The following CLSTN2 variants were observed in gnomAD, a reference collection of about 807,000 sequenced individuals.
CLSTN2 encodes the protein calsyntenin 2.
Under a neutral mutation model 101.2 loss-of-function variants are expected in CLSTN2, and 48 were observed. The ratio of observed to expected loss-of-function variants is 0.47; its 90% confidence interval spans 0.38 to 0.60. The LOEUF (loss-of-function observed/expected upper bound fraction) is 0.60, where lower values mean the gene tolerates loss of function less well. CLSTN2 is among the 20% of genes least tolerant of loss of function. The pLI is 0.00. For missense variants in CLSTN2, 1,160 were observed against 1,238.2 expected, an observed-to-expected ratio of 0.94 and a Z score of 0.95; for synonymous variants, 481 against 463.6, an observed-to-expected ratio of 1.04 and a Z score of -0.48.
At chr3:140,048,063 T>C (rs1560078883) in intron 1 of CLSTN2, among the ~76,000 whole-genome samples, 1 of 152,146 alleles carries the variant, frequency 6.6e-6, no homozygotes. Context: ...ATTGTTCCCA[T>C]ATGACTGAGG....
At chr3:140,390,547 A>G (rs974240463) in intron 2 of CLSTN2, among the ~76,000 whole-genome samples, 3 of 152,216 alleles carry the variant, frequency 2.0e-5, no homozygotes, top group Non-Finnish European at 4.4e-5. Context: ...ATAACATGTG[A>G]GATAGAAATA....
At chr3:140,053,803 A>C (rs2008046950) in intron 1 of CLSTN2, among the ~76,000 whole-genome samples, 1 of 152,182 alleles carries the variant, frequency 6.6e-6, no homozygotes, top group Non-Finnish European at 1.5e-5. Flanking sequence ...AATAACACCT[A>C]TCTCAGGGGG....
chr3:140,280,424 G>A (rs187105154), intron 2 of CLSTN2, among the ~76,000 whole-genome samples: 1 of 152,276 alleles, frequency 6.6e-6, no homozygotes, highest in Non-Finnish European at 1.5e-5. Context: ...GTAGAAGAGA[G>A]TAGGAGATAT....
At chr3:140,349,871 T>C (rs781502987) in intron 2 of CLSTN2, among the ~76,000 whole-genome samples, 1 of 152,190 alleles carries the variant, frequency 6.6e-6, no homozygotes, top group African/African-American at 2.4e-5. Context: ...TCTGTCCTGA[T>C]GGCAGGCTTC....
chr3:140,379,254 T>C (rs2087953356), intron 2 of CLSTN2, among the ~76,000 whole-genome samples: 1 of 152,212 alleles, frequency 6.6e-6, no homozygotes, highest in Non-Finnish European at 1.5e-5. Flanking sequence ...GCTGACAGTG[T>C]TGGGTGCCAG....
chr3:140,574,725 G>A lies in CLSTN2; in HGVS notation c.*8472G>A, dbSNP rs1985677250. ...TACTGCACATTTCAGAACAGAAATG[G>A]GACACCCACACACGTATTGAGGGTC... On this transcript the variant is annotated 3_prime_UTR_variant, in exon 17 of 17. Coordinates refer to ENST00000458420, the MANE Select transcript of CLSTN2 (RefSeq NM_022131.3). 6.6e-6 allele frequency: 1 copy of A among 152,156 alleles called. No homozygotes were observed. Among genetic ancestry groups the A allele is most frequent in the Non-Finnish European group, 1.5e-5 (1 of 68,032 alleles). 9.4% of individuals were successfully genotyped at this position (152,156 alleles called of 1,614,324 possible). A position where few individuals can be genotyped will look rare whatever the true frequency, so the allele number is the denominator to read the frequency against.
At chr3:140,097,963 G>A (rs1057329180) in intron 1 of CLSTN2, among the ~76,000 whole-genome samples, 7 of 152,084 alleles carry the variant, frequency 4.6e-5, no homozygotes, top group African/African-American at 1.7e-4. Flanking sequence ...AATGAATTTT[G>A]TAAATGCCTA....
At chr3:140,376,062 C>T (rs2087914159) in intron 2 of CLSTN2, among the ~76,000 whole-genome samples, 1 of 152,200 alleles carries the variant, frequency 6.6e-6, no homozygotes, top group Non-Finnish European at 1.5e-5. Context: ...GTCACTCACT[C>T]TGGGGTCCCT....
chr3:140,095,722 A>G (rs1384099882), intron 1 of CLSTN2, among the ~76,000 whole-genome samples: 1 of 152,222 alleles, frequency 6.6e-6, no homozygotes, highest in Non-Finnish European at 1.5e-5. Context: ...GCACAAAATG[A>G]GAGAGGAAGA....
intron 1 of CLSTN2, among the ~76,000 whole-genome samples, chr3:140,057,573 C>T (rs990507135): frequency 6.6e-6 from 1 of 152,146 alleles, no homozygotes; most frequent in Non-Finnish European, 1.5e-5. Context: ...TTAATCGCCT[C>T]ATTAGTCATA....
chr3:140,322,936 C>T (rs11918688), intron 2 of CLSTN2, among the ~76,000 whole-genome samples: 8 of 152,206 alleles, frequency 5.3e-5, no homozygotes, highest in African/African-American at 1.9e-4. Flanking sequence ...AAAAAACATA[C>T]CTCATGCTGG....
At chr3:140,510,767 T>C (rs1934798603) in intron 8 of CLSTN2, among the ~76,000 whole-genome samples, 1 of 152,214 alleles carries the variant, frequency 6.6e-6, no homozygotes, top group Non-Finnish European at 1.5e-5. Context: ...CCTGGGAAGA[T>C]CTTGAATAGA....
intron 1 of CLSTN2, among the ~76,000 whole-genome samples, chr3:140,001,920 A>G (rs1454670492): frequency 1.3e-5 from 2 of 152,192 alleles, no homozygotes; most frequent in East Asian, 1.9e-4. Context: ...AATGACCTCC[A>G]GTTCCATCCA....
At chr3:140,187,411 C>T (rs2010499709) in intron 2 of CLSTN2, among the ~76,000 whole-genome samples, 1 of 152,176 alleles carries the variant, frequency 6.6e-6, no homozygotes, top group Admixed American at 6.5e-5. Flanking sequence ...CCTTAATCGC[C>T]CCTCTCCCCA....
At chr3:140,422,861 T>C (rs776453738) in intron 5 of CLSTN2, among the ~76,000 whole-genome samples, 4 of 152,182 alleles carry the variant, frequency 2.6e-5, no homozygotes, top group Admixed American at 1.3e-4. Flanking sequence ...GCTCAAGAAA[T>C]AGTCATTGAA....
intron 2 of CLSTN2, among the ~76,000 whole-genome samples, chr3:140,372,048 G>C (rs138398861): frequency 2.0e-5 from 3 of 152,160 alleles, no homozygotes; most frequent in Non-Finnish European, 4.4e-5. Context: ...AGGACCTTGG[G>C]TGGGGATATC....
rs1985498650 is a variant in CLSTN2 at position 140,570,510 on chromosome 3, C to A, written c.*4257C>A. The A allele has an allele frequency of 6.6e-6, 1 of 152,160 alleles. No homozygotes were observed. Among genetic ancestry groups the A allele is most frequent in the Non-Finnish European group, 1.5e-5 (1 of 68,032 alleles). The allele number at this position is 152,160 out of a possible 1,614,324, so 9.4% of individuals were successfully genotyped here. A position where few individuals can be genotyped will look rare whatever the true frequency, so the allele number is the denominator to read the frequency against. On this transcript the variant is annotated 3_prime_UTR_variant, in exon 17 of 17. Coordinates refer to ENST00000458420, the MANE Select transcript of CLSTN2 (RefSeq NM_022131.3). ...TGGATTTTGGTGTCCGAGGGGAGTT[C>A]TGGAACCAATCCCCTACAGATACTG...
At chr3:140,215,391 C>G (rs908428170) in intron 2 of CLSTN2, among the ~76,000 whole-genome samples, 1 of 152,168 alleles carries the variant, frequency 6.6e-6, no homozygotes, top group African/African-American at 2.4e-5. Flanking sequence ...GCACATAGAA[C>G]AAAAGGCAGA....
At chr3:140,158,004 A>G (rs1162413645) in intron 1 of CLSTN2, among the ~76,000 whole-genome samples, 5 of 152,198 alleles carry the variant, frequency 3.3e-5, no homozygotes, top group Non-Finnish European at 1.5e-5. Flanking sequence ...CCGAGAAGCA[A>G]TGTCCCTTCA....
Sources: allele counts gnomAD v4.1 joint callset (sites outside exome capture counted in the v4.1 genomes callset), GRCh38; gene constraint gnomAD v4.1.1; transcripts MANE v1.5; gene names NCBI Gene and HGNC (gene_info 2026-07-23, HGNC 2026-07-21).